Variants in MUSK observed in about 807,000 individuals in gnomAD.
MUSK encodes the protein muscle, skeletal receptor tyrosine-protein kinase.
Under a neutral mutation model 88.7 loss-of-function variants are expected in MUSK, and 55 were observed. The ratio of observed to expected loss-of-function variants is 0.62; its 90% CI spans 0.50 to 0.78. The LOEUF is 0.78. Among genes scored for constraint, MUSK ranks in the 30% least tolerant of loss-of-function variants. The probability of loss-of-function intolerance (pLI) is 0.00; values close to 1 mark genes in which losing one functional copy is unlikely to be tolerated. For synonymous variants in MUSK, 387 were observed against 391.9 expected (o/e 0.99, Z 0.15); for missense variants, 1,015 against 1,074.3 (o/e 0.94, Z 0.77).
chr9:110,747,117 G>GTGGTTTTGCTGATT (rs1241604137), intron 6 of MUSK, among the ~76,000 whole-genome samples: 2 of 152,176 alleles, frequency 1.3e-5, no homozygotes, highest in African/African-American at 2.4e-5. Flanking sequence ...GTTCAACTGG[G>GTGGTTTTGCTGATT]TGGTTTTGCT....
chr9:110,748,321 T>A (rs2077204153), intron 7 of MUSK, among the ~76,000 whole-genome samples: 2 of 152,110 alleles, frequency 1.3e-5, no homozygotes. Context: ...TGGCAGACAT[T>A]CAACATGGTC....
At chr9:110,723,856 A>G (rs2076849072) in intron 5 of MUSK, among the ~76,000 whole-genome samples, 1 of 151,966 alleles carries the variant, frequency 6.6e-6, no homozygotes, top group South Asian at 2.1e-4. Context: ...CTCCACCACT[A>G]TGTCTTCAAA....
intron 2 of MUSK, among the ~76,000 whole-genome samples, chr9:110,683,562 C>T (rs1201540791): frequency 6.6e-6 from 1 of 152,072 alleles, no homozygotes; most frequent in Non-Finnish European, 1.5e-5. Context: ...TCAAACTATT[C>T]TCCATAGTGG....
chr9:110,770,020 C>T (rs2077545555), intron 9 of MUSK, among the ~76,000 whole-genome samples: 3 of 152,016 alleles, frequency 2.0e-5, no homozygotes, highest in Admixed American at 1.3e-4. Flanking sequence ...AAGTTGGTCA[C>T]TACTGAGGTG....
chr9:110,689,773 C>CGT (rs1564218225), intron 3 of MUSK, among the ~76,000 whole-genome samples: 1 of 74,796 alleles, frequency 1.3e-5, no homozygotes, highest in African/African-American at 5.8e-5. Context: ...ATATATATCA[C>CGT]ATATAGTTTA....
chr9:110,730,209 T>G (rs56080728), intron 5 of MUSK, among the ~76,000 whole-genome samples: 52,788 of 151,416 alleles, frequency 0.35, 9,689 homozygotes, highest in African/African-American at 0.41. Flanking sequence ...TATATTACCT[T>G]GGTCTATTTT....
At chr9:110,788,223 A>G (rs1319489983) in intron 14 of MUSK, 2 of 184,842 alleles carry the variant, frequency 1.1e-5, no homozygotes, top group Non-Finnish European at 2.2e-5. Context: ...AGCGATTTGT[A>G]TCTTTTCTGT....
chr9:110,789,025 G>C (rs1250116280), intron 14 of MUSK, among the ~76,000 whole-genome samples: 2 of 152,196 alleles, frequency 1.3e-5, no homozygotes, highest in Non-Finnish European at 2.9e-5. Context: ...GAGAGGTAAT[G>C]GGGGAGGTAG....
At chr9:110,785,863 G>T in intron 13 of MUSK, 145 bp downstream of exon 13, 1 of 447,386 alleles carries the variant, frequency 2.2e-6, no homozygotes, top group Admixed American at 3.9e-5. Flanking sequence ...TAATGATATA[G>T]TACATATATA....
chr9:110,768,275 A>G (rs1156390351), intron 9 of MUSK, among the ~76,000 whole-genome samples, 192 bp downstream of exon 9: 1 of 152,202 alleles, frequency 6.6e-6, no homozygotes, highest in Non-Finnish European at 1.5e-5. Flanking sequence ...AAGTGGGTGG[A>G]TCACTTGAGG....
At chr9:110,748,043 T>C in intron 7 of MUSK, 3 of 656,132 alleles carry the variant, frequency 4.6e-6, no homozygotes, top group Non-Finnish European at 8.4e-6. Context: ...TTCCAGGAAC[T>C]CACTTCTTCC....
In MUSK at chr9:110,673,756, A is replaced by G. The variant is rs542554245; in HGVS notation, c.79+4773A>G. Among the ~76,000 whole-genome samples the G allele has an allele frequency of 2.0e-5, 3 of 152,302 alleles. No homozygotes were observed. In the East Asian group the frequency reaches 5.8e-4, roughly 29 times the overall value. On this transcript the variant is annotated intron_variant, in intron 1 of 14. Coordinates refer to ENST00000374448, the MANE Select transcript of MUSK (RefSeq NM_005592.4). ...CATCTGTGTATTGAGTGAAAATAAC[A>G]CTAGTGCATAAAGTTTCTCTCTTAT... is the stretch of plus-strand genomic sequence containing the variant.
intron 7 of MUSK, among the ~76,000 whole-genome samples, chr9:110,752,322 G>A (rs1167160059): frequency 2.6e-5 from 4 of 152,148 alleles, no homozygotes; most frequent in African/African-American, 9.7e-5. Flanking sequence ...AGGCTACTTC[G>A]ATGAAAAAGG....
intron 5 of MUSK, among the ~76,000 whole-genome samples, chr9:110,704,660 C>G (rs2076572916): frequency 6.6e-6 from 1 of 151,964 alleles, no homozygotes; most frequent in Non-Finnish European, 1.5e-5. Context: ...ACATGTATAT[C>G]GAACTCTTAA....
At chr9:110,798,365 A>G (rs1398567074) in intron 14 of MUSK, among the ~76,000 whole-genome samples, 1 of 152,196 alleles carries the variant, frequency 6.6e-6, no homozygotes, top group Non-Finnish European at 1.5e-5. Flanking sequence ...ATAAATTGGG[A>G]AAAATGGTAT....
intron 5 of MUSK, among the ~76,000 whole-genome samples, chr9:110,708,575 T>TAA (rs760818544): frequency 1.6e-4 from 24 of 152,158 alleles, no homozygotes; most frequent in Non-Finnish European, 3.1e-4. Context: ...CTGCATGATT[T>TAA]AATAGGATGC....
At chr9:110,737,362 C>T (rs2131847928) in intron 6 of MUSK, among the ~76,000 whole-genome samples, 1 of 151,848 alleles carries the variant, frequency 6.6e-6, no homozygotes, top group East Asian at 1.9e-4. Flanking sequence ...CAATAAAACA[C>T]TTCATCATCA....
chr9:110,743,204 C>T (rs1201913548), intron 6 of MUSK, among the ~76,000 whole-genome samples: 1 of 152,126 alleles, frequency 6.6e-6, no homozygotes, highest in Non-Finnish European at 1.5e-5. Context: ...GTGAACCTGC[C>T]AGTGAACCAA....
chr9:110,774,459 GTTC>G, intron 9 of MUSK, among the ~76,000 whole-genome samples: 1 of 152,018 alleles, frequency 6.6e-6, no homozygotes, highest in Non-Finnish European at 1.5e-5. Flanking sequence ...TCATTAATGT[GTTC>G]TTCTGTTTAG....
Sources: allele counts gnomAD v4.1 joint callset (sites outside exome capture counted in the v4.1 genomes callset), GRCh38; gene constraint gnomAD v4.1.1; transcripts MANE v1.5; gene names NCBI Gene and HGNC (gene_info 2026-07-23, HGNC 2026-07-21).